WASF2: variants seen among roughly 807,000 people sequenced by gnomAD.
WASF2 encodes the protein actin-binding protein WASF2.
WASF2 carries 14 observed loss-of-function variants against 45.0 expected under a neutral mutation model. The ratio of observed to expected loss-of-function variants is 0.31; its 90% CI spans 0.21 to 0.49. The LOEUF is 0.49. Among genes scored for constraint, WASF2 ranks in the 20% least tolerant of loss-of-function variants. The pLI is 0.99. For missense variants in WASF2, 439 were observed against 636.1 expected, an observed-to-expected ratio of 0.69 and a Z score of 3.33; for synonymous variants, 200 against 236.3, an observed-to-expected ratio of 0.85 and a Z score of 1.41.
chr1:27,412,530 G>GTA (rs779650802), intron 7 of WASF2, 42 bp downstream of exon 7: 14 of 1,611,698 alleles, frequency 8.7e-6, no homozygotes, highest in African/African-American at 1.3e-5. Flanking sequence ...GTTCTCAAGT[G>GTA]TATAACTACC....
rs2016799380 is a variant in WASF2, at chr1:27,414,225, A to C, written c.668+608T>G. 1.3e-5 allele frequency among the ~76,000 whole-genome samples: 2 copies of C among 152,156 alleles called. No homozygotes were observed. The highest frequency in any genetic ancestry group is 4.8e-5 in the African/African-American group (2 of 41,440). On this transcript the variant is annotated intron_variant, in intron 6 of 8. Coordinates refer to ENST00000618852, the MANE Select transcript of WASF2 (RefSeq NM_006990.5). This position sits in a 1 kb window ranked among gnomAD's most constrained non-coding sequence, Gnocchi z 4.1. ...TTTAAAACCATCTTTTTCCCCCTTTAAACCTCCAGTGTGATTTGGTATTGG... is the reference window on the plus strand; with the variant it reads ...TTTAAAACCATCTTTTTCCCCCTTTCAACCTCCAGTGTGATTTGGTATTGG...
intron 3 of WASF2, 82 bp from the exon 4 acceptor site, chr1:27,418,504 A>G: frequency 6.3e-7 from 1 of 1,582,088 alleles, no homozygotes; most frequent in Non-Finnish European, 8.6e-7. Flanking sequence ...GAGAGGCCTC[A>G]GCTGCTGCAC....
chr1:27,467,679 G>A (rs923356162), intron 1 of WASF2, among the ~76,000 whole-genome samples: 9 of 151,562 alleles, frequency 5.9e-5, no homozygotes, highest in African/African-American at 1.9e-4. Flanking sequence ...TTAGGAGGCC[G>A]AGGTGGGCGG....
At chr1:27,442,207 A>G (rs1012832972) in intron 1 of WASF2, among the ~76,000 whole-genome samples, 12 of 152,150 alleles carry the variant, frequency 7.9e-5, no homozygotes, top group Admixed American at 1.3e-4. Flanking sequence ...AATATGCTGG[A>G]TCCCATAAAC....
At position 27,480,283 on chromosome 1, in the gene WASF2, G is replaced by A. The variant is rs942627319; in HGVS notation, c.-44+9703C>T. Among the ~76,000 whole-genome samples, 3 of 152,120 alleles carry A rather than the reference G, an allele frequency of 2.0e-5. No individual in the cohort carries two copies. The East Asian group carries it at 5.8e-4, about 29-fold the overall frequency. ...TGTAATCCCAGCACTTTGGGAGGCC[G>A]AATTGGGCAGATCACTTGAGGTCAG... On this transcript the variant is annotated intron_variant, in intron 1 of 8. Transcript: ENST00000618852.
Position 27,446,225 on chromosome 1 carries a change from C to T in WASF2, c.-43-17292G>A, listed in dbSNP as rs979605488. On this transcript the variant is annotated intron_variant, in intron 1 of 8. Coordinates refer to ENST00000618852, the MANE Select transcript of WASF2 (RefSeq NM_006990.5). Reference sequence around the variant, plus strand: ...ATTAACCTTTGACATTAGAAAAATGCAAGAAACTGGTATCTCTTTCAATAT... The same window carrying T: ...ATTAACCTTTGACATTAGAAAAATGTAAGAAACTGGTATCTCTTTCAATAT... 2.6e-5 allele frequency among the ~76,000 whole-genome samples: 4 copies of T among 152,082 alleles called. No individual in the cohort carries two copies. In the East Asian group the frequency reaches 7.7e-4, roughly 29 times the overall value.
chr1:27,418,580 G>A (rs1054811855), intron 3 of WASF2, among the ~76,000 whole-genome samples, 158 bp from the exon 4 acceptor site: 1 of 152,188 alleles, frequency 6.6e-6, no homozygotes, highest in African/African-American at 2.4e-5. Flanking sequence ...AGCCCCACAA[G>A]GCTGTCAGCA....
rs1044880963 is a variant in WASF2 at position 27,490,050 on chromosome 1, G to C, written c.-108C>G. ...GCCGGCCGCCCAGTCTCCGCACAGA[G>C]TGTGCTCCCGCGGACCGCCTCGCGG... is the stretch of plus-strand genomic sequence containing the variant. On this transcript the variant is annotated 5_prime_UTR_variant, in exon 1 of 9. Transcript: ENST00000618852. 1.3e-5 allele frequency: 2 copies of C among 152,348 alleles called. No homozygotes were observed. The highest frequency in any genetic ancestry group is 2.9e-5 in the Non-Finnish European group (2 of 68,176). The allele number at this position is 152,348 out of a possible 1,614,324, so 9.4% of individuals were successfully genotyped here.
intron 1 of WASF2, among the ~76,000 whole-genome samples, chr1:27,488,206 C>T (rs1557627072): frequency 6.6e-6 from 1 of 152,150 alleles, no homozygotes; most frequent in South Asian, 2.1e-4. Flanking sequence ...GAGAACAATA[C>T]CCATAGCCGT....
intron 1 of WASF2, among the ~76,000 whole-genome samples, chr1:27,461,957 C>T (rs372043946): frequency 8.0e-5 from 12 of 149,356 alleles, no homozygotes; most frequent in East Asian, 2.0e-4. Context: ...CTACCACACA[C>T]GGCCACTCAC....
At chr1:27,473,948 T>C (rs971261501) in intron 1 of WASF2, among the ~76,000 whole-genome samples, 12 of 152,266 alleles carry the variant, frequency 7.9e-5, no homozygotes, top group African/African-American at 2.9e-4. Context: ...TGGGACCATT[T>C]AGAGACACCA....
chr1:27,432,570 C>A (rs1286429096), intron 1 of WASF2, among the ~76,000 whole-genome samples: 1 of 127,370 alleles, frequency 7.9e-6, no homozygotes, highest in Non-Finnish European at 1.6e-5. Flanking sequence ...ATGGTGTGAA[C>A]CTGGGAGGCG....
At chr1:27,487,543 A>G (rs1402804268) in intron 1 of WASF2, among the ~76,000 whole-genome samples, 1 of 101,888 alleles carries the variant, frequency 9.8e-6, no homozygotes, top group Admixed American at 1.5e-4. Flanking sequence ...AATATATAAT[A>G]TATATTATAT....
At chr1:27,474,374 C>T (rs1392364505) in intron 1 of WASF2, among the ~76,000 whole-genome samples, 1 of 152,068 alleles carries the variant, frequency 6.6e-6, no homozygotes, top group East Asian at 1.9e-4. Flanking sequence ...GTAGCTCACA[C>T]GCCTGTAATC....
chr1:27,473,232 G>C (rs2017716636), intron 1 of WASF2, among the ~76,000 whole-genome samples: 1 of 151,922 alleles, frequency 6.6e-6, no homozygotes, highest in Non-Finnish European at 1.5e-5. Context: ...TCTAATTCCA[G>C]CACTTTCAGA....
chr1:27,415,705 T>C (rs2016818296), intron 5 of WASF2, among the ~76,000 whole-genome samples: 1 of 151,980 alleles, frequency 6.6e-6, no homozygotes, highest in African/African-American at 2.4e-5. Flanking sequence ...CAGGTGCAAA[T>C]TGCAAGAGAA....
intron 1 of WASF2, among the ~76,000 whole-genome samples, chr1:27,480,111 T>C (rs2017825718): frequency 6.6e-6 from 1 of 152,182 alleles, no homozygotes; most frequent in South Asian, 2.1e-4. Context: ...GAAATTCACT[T>C]ATAGTTCCCA....
intron 1 of WASF2, among the ~76,000 whole-genome samples, chr1:27,472,971 C>CAAAAA (rs59391183): frequency 1.5e-5 from 1 of 68,324 alleles, no homozygotes; most frequent in African/African-American, 4.3e-5. Context: ...GACCTTGTCT[C>CAAAAA]AAAAAAAAAA....
At chr1:27,487,516 TTA>T (rs1408866237) in intron 1 of WASF2, among the ~76,000 whole-genome samples, 2 of 111,532 alleles carry the variant, frequency 1.8e-5, no homozygotes, top group Admixed American at 1.3e-4. Context: ...ATATGTTATA[TTA>T]TATATATTTT....
Sources: gnomAD v4.1 joint callset for allele counts (sites outside exome capture counted in the v4.1 genomes callset) on GRCh38, gnomAD v4.1.1 for gene constraint, Gnocchi (gnomAD v3.1) non-coding constraint, MANE v1.5 for transcripts, NCBI Gene and HGNC (gene_info 2026-07-23, HGNC 2026-07-21) for gene names.